Variants in ASB2 observed in about 807,000 individuals in gnomAD.
ASB2 encodes ankyrin repeat and SOCS box protein 2.
ASB2 carries 58 observed loss-of-function variants against 62.4 expected under a neutral mutation model. That is an observed-to-expected ratio of 0.93 (90% CI 0.75 to 1.16). The LOEUF (loss-of-function observed/expected upper bound fraction) is 1.16. Ranked by LOEUF, ASB2 falls within the 50% of genes most tolerant of loss-of-function variation. ASB2 has a pLI of 0.00. For missense variants in ASB2, 928 were observed against 887.9 expected, an observed-to-expected ratio of 1.05 and a Z score of -0.57; for synonymous variants, 386 against 385.3, an observed-to-expected ratio of 1.00 and a Z score of -0.02.
Position 93,953,436 on chromosome 14 carries a change from G to A in ASB2, c.550C>T (p.His184Tyr). The A allele has an allele frequency of 6.2e-7, 1 of 1,609,378 alleles. No homozygotes were observed. Among genetic ancestry groups the A allele is most frequent in the Non-Finnish European group, 8.5e-7 (1 of 1,176,316 alleles). ...AGCAGTGACAGGAGACAGTCCAGGTGGCCCCTGCACGTTGCCAAGTAAACG... is the reference window on the plus strand; with the variant it reads ...AGCAGTGACAGGAGACAGTCCAGGTAGCCCCTGCACGTTGCCAAGTAAACG... ...TAVYLATCRG[H>Y]LDCLLSLLQA... Residue 184 changes from histidine (H) to tyrosine (Y), a missense_variant, in exon 5 of 10, where the codon CAC becomes TAC. Physicochemically the swap from His to Tyr is moderately conservative, Grantham distance 83. Coordinates refer to ENST00000555019, the MANE Select transcript of ASB2 (RefSeq NM_001202429.2).
At chr14:93,964,203 G>A (rs1889505373) in intron 2 of ASB2, 131 bp downstream of exon 2, 5 of 784,766 alleles carry the variant, frequency 6.4e-6, no homozygotes, top group Admixed American at 2.1e-5. Flanking sequence ...GATAACAAAT[G>A]TAAATGGGAA....
chr14:93,945,178 C>G (rs1322356402), intron 7 of ASB2, among the ~76,000 whole-genome samples: 1 of 152,202 alleles, frequency 6.6e-6, no homozygotes, highest in Non-Finnish European at 1.5e-5. Context: ...CATGGATGTG[C>G]AGGCTAGAAT....
intron 9 of ASB2, 140 bp from the exon 10 acceptor site, chr14:93,934,932 G>A (rs1174609818): frequency 1.5e-6 from 1 of 678,430 alleles, no homozygotes; most frequent in Non-Finnish European, 2.6e-6. Flanking sequence ...GGTCACCCCA[G>A]TCCCTGCCAA....
At position 93,934,705 on chromosome 14, in the gene ASB2, G is replaced by C; in HGVS notation, c.1859C>G (p.Pro620Arg). The change falls in exon 10 of 10, where the codon CCG becomes CGG. Residue 620 changes from proline to arginine, a missense_variant. Coordinates refer to ENST00000555019, the MANE Select transcript of ASB2 (RefSeq NM_001202429.2). ...GTATCTAATCAGCCTGCCTGGGAGC[G>C]GCAAGGTGTCTAGGAGTTTTATACG... ...KYRIKLLDTL[P>R]LPGRLIRYLK... 6.2e-6 allele frequency: 10 copies of C among 1,614,096 alleles called. No homozygotes were observed. The highest frequency in any genetic ancestry group is 8.5e-6 in the Non-Finnish European group (10 of 1,179,990).
intron 9 of ASB2, among the ~76,000 whole-genome samples, chr14:93,937,390 C>T (rs977208250): frequency 6.6e-6 from 1 of 152,172 alleles, no homozygotes; most frequent in African/African-American, 2.4e-5. Context: ...TCACAACCTA[C>T]CCTGAAGGTC....
chr14:93,953,278 A>G, intron 5 of ASB2, 74 bp downstream of exon 5: 1 of 1,367,104 alleles, frequency 7.3e-7, no homozygotes, highest in Non-Finnish European at 9.9e-7. Context: ...ACTTAACGGG[A>G]GCAACATTCC....
intron 9 of ASB2, among the ~76,000 whole-genome samples, chr14:93,935,931 G>A (rs1888257797): frequency 6.6e-6 from 1 of 152,194 alleles, no homozygotes; most frequent in Admixed American, 6.5e-5. Context: ...AAAAAATAAT[G>A]TGGTTACCTT....
intron 2 of ASB2, among the ~76,000 whole-genome samples, chr14:93,957,735 A>T (rs1479862498): frequency 3.9e-5 from 6 of 152,140 alleles, no homozygotes; most frequent in African/African-American, 1.4e-4. Flanking sequence ...CCGACCCACC[A>T]GGCTCCTGTG....
At chr14:93,939,985 G>T (rs1429052435) in intron 7 of ASB2, 1 of 345,304 alleles carries the variant, frequency 2.9e-6, no homozygotes, top group Non-Finnish European at 5.2e-6. Context: ...GGCCTCCGAA[G>T]TCTGAGTTCT....
chr14:93,944,080 C>T (rs1467423265), intron 7 of ASB2: 2 of 449,224 alleles, frequency 4.5e-6, no homozygotes, highest in Admixed American at 2.4e-5. Flanking sequence ...AGTAAAATCT[C>T]CCGGGCAGCT....
In ASB2 at chr14:93,939,491, T is replaced by G; in HGVS notation, c.1234A>C (p.Ser412Arg). 1.2e-6 allele frequency: 2 copies of G among 1,610,876 alleles called. No individual in the cohort carries two copies. Among genetic ancestry groups the G allele is most frequent in the South Asian group, 2.2e-5 (2 of 90,952 alleles). Reference sequence around the variant, plus strand: ...ACCACCGCGAAGTACAGCGCGGAGCTGCGCCGGTCTTCGTAGAGGCGCGCG... The same window carrying G: ...ACCACCGCGAAGTACAGCGCGGAGCGGCGCCGGTCTTCGTAGAGGCGCGCG... ...ERARLYEDRR[S>R]SALYFAVVNN... The change falls in exon 8 of 10, where the codon AGC becomes CGC. Residue 412 changes from serine to arginine, a missense_variant. Transcript: ENST00000555019.
chr14:93,949,139 G>A (rs1281337701), intron 6 of ASB2, among the ~76,000 whole-genome samples: 2 of 152,162 alleles, frequency 1.3e-5, no homozygotes, highest in African/African-American at 2.4e-5. Context: ...GTTCTGGAAG[G>A]ACATGGAACT....
chr14:93,947,423 C>T lies in ASB2; in HGVS notation c.978G>A (p.Gln326=). Residue 326 remains glutamine (Q), a synonymous_variant, in exon 7 of 10, where the codon CAG becomes CAA. Coordinates refer to ENST00000555019, the MANE Select transcript of ASB2 (RefSeq NM_001202429.2). ...TGTTGGTCTTGTTGGCGTCGGCACC[C>T]TGTGACAGCAGAAACTCCACCACCT... ...HEEVVEFLLS[Q]GADANKTNKD... is the part of the protein sequence containing the mutation. The T allele has an allele frequency of 6.2e-7, 1 of 1,614,228 alleles. No homozygotes were observed. Among genetic ancestry groups the T allele is most frequent in the Non-Finnish European group, 8.5e-7 (1 of 1,180,042 alleles).
intron 3 of ASB2, chr14:93,955,286 A>G: frequency 2.5e-6 from 1 of 401,168 alleles, no homozygotes; most frequent in Non-Finnish European, 5.0e-6. Context: ...GGTCTCTGCC[A>G]CCAGCCCCTG....
At chr14:93,934,855 C>T (rs1176802097) in intron 9 of ASB2, 63 bp from the exon 10 acceptor site, 167 of 1,417,010 alleles carry the variant, frequency 1.2e-4, no homozygotes, top group Non-Finnish European at 1.6e-4. Context: ...GGGATTGCAT[C>T]TGTGACCCCA....
Position 93,934,555 on chromosome 14 carries a change from G to T in ASB2, c.*101C>A. The T allele has an allele frequency of 1.6e-6, 2 of 1,269,132 alleles. No individual in the cohort carries two copies. The highest frequency in any genetic ancestry group is 2.3e-5 in the East Asian group (1 of 42,898). 78.6% of individuals were successfully genotyped at this position (1,269,132 alleles called of 1,614,324 possible). ...CAGGCTGAGAGGGAGGCAGCCTGCA[G>T]CCTCGTCTGTCACCAGGTCCCCTTG... On this transcript the variant is annotated 3_prime_UTR_variant, in exon 10 of 10. Coordinates refer to ENST00000555019, the MANE Select transcript of ASB2 (RefSeq NM_001202429.2).
At chr14:93,958,515 C>T (rs1021882659) in intron 2 of ASB2, among the ~76,000 whole-genome samples, 7 of 152,342 alleles carry the variant, frequency 4.6e-5, no homozygotes, top group Admixed American at 2.0e-4. Flanking sequence ...GCCCCATCCC[C>T]GCTCTGTGCC....
chr14:93,947,620 T>C, intron 6 of ASB2, 100 bp from the exon 7 acceptor site: 1 of 1,210,768 alleles, frequency 8.3e-7, no homozygotes, highest in Non-Finnish European at 1.2e-6. Flanking sequence ...CTAACCACGG[T>C]AATGCACGGG....
chr14:93,966,971 C>T (rs1157092972), intron 1 of ASB2, among the ~76,000 whole-genome samples: 3 of 151,838 alleles, frequency 2.0e-5, no homozygotes, highest in South Asian at 2.1e-4. Context: ...ATTTTATGCC[C>T]GATGCTTGGA....
Sources: gnomAD v4.1 joint callset for allele counts (sites outside exome capture counted in the v4.1 genomes callset) on GRCh38, gnomAD v4.1.1 for gene constraint, MANE v1.5 for transcripts, NCBI Gene and HGNC (gene_info 2026-07-23, HGNC 2026-07-21) for gene names.